The following EYS variants were observed in gnomAD, a reference collection of about 807,000 sequenced individuals.
The protein encoded by EYS is protein eyes shut homolog.
EYS carries 250 observed loss-of-function variants against 282.1 expected under a neutral mutation model. The observed-to-expected ratio is 0.89, with a 90% confidence interval of 0.80 to 0.98. EYS has a LOEUF of 0.98. EYS is among the 50% of genes least tolerant of loss of function. The pLI is 0.00. For missense variants in EYS, 4,016 were observed against 3,709.0 expected (o/e 1.08, Z -2.15); for synonymous variants, 1,355 against 1,282.9 (o/e 1.06, Z -1.20).
intron 18 of EYS, among the ~76,000 whole-genome samples, chr6:64,892,177 T>G (rs1332505716): frequency 6.6e-6 from 1 of 151,932 alleles, no homozygotes; most frequent in Non-Finnish European, 1.5e-5. Context: ...GCCCCCAAAT[T>G]AGCCACGATT....
chr6:64,069,800 G>A (rs1227791429), intron 32 of EYS, among the ~76,000 whole-genome samples: 3 of 151,848 alleles, frequency 2.0e-5, no homozygotes, highest in Admixed American at 6.6e-5. Flanking sequence ...TACATGTTTC[G>A]CATCTTTTGA....
chr6:64,455,318 T>C (rs949574962), intron 26 of EYS, among the ~76,000 whole-genome samples: 1 of 152,192 alleles, frequency 6.6e-6, no homozygotes, highest in Non-Finnish European at 1.5e-5. Context: ...CCTAGAACCT[T>C]CAGAAACAAC....
intron 33 of EYS, among the ~76,000 whole-genome samples, chr6:64,006,001 T>A (rs1345176143): frequency 6.6e-6 from 1 of 152,210 alleles, no homozygotes; most frequent in Admixed American, 6.5e-5. Flanking sequence ...TCTAATTCTG[T>A]GAAGAATGTC....
intron 12 of EYS, among the ~76,000 whole-genome samples, chr6:65,209,523 C>T (rs913522283): frequency 2.0e-5 from 3 of 151,598 alleles, no homozygotes; most frequent in Non-Finnish European, 1.5e-5. Flanking sequence ...GATTTTCTGG[C>T]CCAATTTAAT....
At chr6:64,969,136 C>A (rs905374868) in intron 14 of EYS, among the ~76,000 whole-genome samples, 1 of 151,956 alleles carries the variant, frequency 6.6e-6, no homozygotes, top group Non-Finnish European at 1.5e-5. Context: ...TGGGGAATCT[C>A]CCTTAAAAGA....
chr6:64,762,971 TA>T (rs2149979879), intron 22 of EYS, among the ~76,000 whole-genome samples: 1 of 152,316 alleles, frequency 6.6e-6, no homozygotes, highest in East Asian at 1.9e-4. Flanking sequence ...GCAAGTATAT[TA>T]ATAAAGTTAT....
intron 27 of EYS, among the ~76,000 whole-genome samples, chr6:64,438,727 G>T (rs1774832648): frequency 1.3e-5 from 2 of 151,592 alleles, no homozygotes; most frequent in South Asian, 4.1e-4. Context: ...TATATAAACT[G>T]ATCTATCAGT....
At chr6:64,811,524 A>G (rs756386093) in intron 22 of EYS, among the ~76,000 whole-genome samples, 1 of 152,090 alleles carries the variant, frequency 6.6e-6, no homozygotes, top group African/African-American at 2.4e-5. Context: ...ACCAAAACTC[A>G]TGTTGGAACC....
At chr6:63,827,336 A>G (rs796332852) in intron 36 of EYS, among the ~76,000 whole-genome samples, 14 of 152,356 alleles carry the variant, frequency 9.2e-5, no homozygotes, top group African/African-American at 2.9e-4. Context: ...GGGGACTTCA[A>G]TACTCCACTG....
intron 32 of EYS, among the ~76,000 whole-genome samples, chr6:64,067,829 C>T (rs1433304454): frequency 6.6e-6 from 1 of 152,070 alleles, no homozygotes; most frequent in Non-Finnish European, 1.5e-5. Context: ...GATTATGCCA[C>T]AGTTAATTCA....
Position 65,039,811 on chromosome 6 carries a change from A to C in EYS, c.2137+17803T>G, listed in dbSNP as rs576479334. Among the ~76,000 whole-genome samples, 8 of 151,790 alleles carry C rather than the reference A, an allele frequency of 5.3e-5. 1 individual carries two copies. The highest frequency in any genetic ancestry group is 1.9e-4 in the African/African-American group (8 of 41,516). On this transcript the variant is annotated intron_variant, in intron 13 of 42. Transcript: ENST00000503581. ...CTTAGTAAAAAAGGGTGTATTTTGC[A>C]TGTAAGTGGAATATAAATAATCATT...
chr6:63,907,266 C>T (rs1424978203), intron 35 of EYS, among the ~76,000 whole-genome samples: 2 of 152,100 alleles, frequency 1.3e-5, no homozygotes, highest in Admixed American at 6.6e-5. Flanking sequence ...ATATGTGAGG[C>T]CTATACCTCT....
intron 30 of EYS, among the ~76,000 whole-genome samples, chr6:64,240,140 T>C (rs1766758106): frequency 6.6e-6 from 1 of 152,228 alleles, no homozygotes; most frequent in African/African-American, 2.4e-5. Flanking sequence ...AGTACCATGC[T>C]GTTTTTGTTA....
At chr6:64,553,681 C>T (rs1765159954) in intron 26 of EYS, among the ~76,000 whole-genome samples, 1 of 151,518 alleles carries the variant, frequency 6.6e-6, no homozygotes, top group Non-Finnish European at 1.5e-5. Flanking sequence ...TGAGTTAACT[C>T]TGTGTCAACA....
At chr6:65,135,372 AT>A (rs925175609) in intron 12 of EYS, among the ~76,000 whole-genome samples, 4 of 151,822 alleles carry the variant, frequency 2.6e-5, no homozygotes, top group Admixed American at 1.3e-4. Context: ...TGTCACTGAA[AT>A]TTTTTTTCAT....
At chr6:65,480,104 G>T (rs12202374) in intron 5 of EYS, among the ~76,000 whole-genome samples, 26,525 of 152,046 alleles carry the variant, frequency 0.17, 2,882 homozygotes, top group East Asian at 0.27. Context: ...GGCACAGGTT[G>T]CAGTGAGCTG....
At chr6:64,372,048 T>C (rs140605292) in intron 29 of EYS, among the ~76,000 whole-genome samples, 15 of 152,146 alleles carry the variant, frequency 9.9e-5, no homozygotes, top group African/African-American at 3.4e-4. Context: ...GCAGATTTGA[T>C]CTTGTCATCA....
intron 13 of EYS, among the ~76,000 whole-genome samples, chr6:65,055,680 G>C (rs1426283068): frequency 6.6e-6 from 1 of 152,054 alleles, no homozygotes; most frequent in African/African-American, 2.4e-5. Context: ...TTCTAGTCAA[G>C]TATTTTTTAG....
chr6:65,638,098 T>A (rs1193780132), intron 2 of EYS, among the ~76,000 whole-genome samples: 1 of 152,102 alleles, frequency 6.6e-6, no homozygotes, highest in Admixed American at 6.5e-5. Context: ...AAGCGCATAT[T>A]TCCTCCCTTC....
Sources: allele counts gnomAD v4.1 joint callset (sites outside exome capture counted in the v4.1 genomes callset), GRCh38; gene constraint gnomAD v4.1.1; transcripts MANE v1.5; gene names NCBI Gene and HGNC (gene_info 2026-07-23, HGNC 2026-07-21).